Variants in AGAP1 observed in about 807,000 individuals in gnomAD.
AGAP1 encodes arf-GAP with GTPase, ANK repeat and PH domain-containing protein 1.
Under a neutral mutation model 105.3 loss-of-function variants are expected in AGAP1, and 29 were observed. The observed-to-expected ratio is 0.28, with a 90% CI of 0.21 to 0.38. The LOEUF (loss-of-function observed/expected upper bound fraction) is 0.38, where lower values mean the gene tolerates loss of function less well. AGAP1 is among the 10% of genes least tolerant of loss of function. The pLI, the probability that AGAP1 is intolerant of heterozygous loss-of-function variation, is 1.00. For missense variants in AGAP1, 998 were observed against 1,165.1 expected (o/e 0.86, Z 2.09); for synonymous variants, 509 against 485.9 (o/e 1.05, Z -0.63).
chr2:235,629,732 G>T (rs1321292467), intron 1 of AGAP1, among the ~76,000 whole-genome samples: 1 of 149,304 alleles, frequency 6.7e-6, no homozygotes, highest in East Asian at 2.0e-4. Context: ...AAAAAAAATA[G>T]CTGGACGTGG....
intron 16 of AGAP1, among the ~76,000 whole-genome samples, chr2:236,077,902 C>T (rs1238858620): frequency 6.6e-6 from 1 of 152,192 alleles, no homozygotes; most frequent in Non-Finnish European, 1.5e-5. Context: ...CCTCTGTGTA[C>T]ATCTGTTCTT....
At chr2:235,804,876 G>A (rs1340838826) in intron 8 of AGAP1, among the ~76,000 whole-genome samples, 1 of 152,216 alleles carries the variant, frequency 6.6e-6, no homozygotes, top group African/African-American at 2.4e-5. Flanking sequence ...GACGCCGTGG[G>A]TGCTGAGGGC....
chr2:235,590,750 T>TC lies in AGAP1; in HGVS notation c.163+95901_163+95902insC, dbSNP rs1945309495. The stretch of plus-strand genomic sequence containing the variant: ...TTTTTTTTTTTTTTGAGGCGGAGTC[T>TC]TGCTCTGTCGCCCAGGCTGGAGTGC... On this transcript the variant is annotated intron_variant, in intron 1 of 17. Coordinates refer to ENST00000304032, the MANE Select transcript of AGAP1 (RefSeq NM_001037131.3). Among the ~76,000 whole-genome samples the TC allele has an allele frequency of 2.4e-5, 3 of 126,096 alleles. No homozygotes were observed. The East Asian group carries it at 7.1e-4, about 30-fold the overall frequency. 82.7% of individuals were successfully genotyped at this position (126,096 alleles called of 152,430 possible).
chr2:236,098,300 A>C (rs2059245800), intron 16 of AGAP1, among the ~76,000 whole-genome samples: 1 of 152,130 alleles, frequency 6.6e-6, no homozygotes, highest in Admixed American at 6.5e-5. Context: ...TTGTTGGGCC[A>C]GGTGCAGGGG....
intron 1 of AGAP1, among the ~76,000 whole-genome samples, chr2:235,521,277 G>A (rs888022055): frequency 6.6e-6 from 1 of 152,126 alleles, no homozygotes; most frequent in African/African-American, 2.4e-5. Flanking sequence ...CCTGGTGGAG[G>A]TGTACTTAGA....
chr2:235,594,431 TA>T (rs1945451548), intron 1 of AGAP1, among the ~76,000 whole-genome samples: 1 of 152,162 alleles, frequency 6.6e-6, no homozygotes, highest in African/African-American at 2.4e-5. Flanking sequence ...CTGTTCTTTG[TA>T]AATGAGTTTC....
In AGAP1 at chr2:235,951,221, T is replaced by G. The variant is rs1427425069; in HGVS notation, c.1484-17241T>G. 6.6e-6 allele frequency among the ~76,000 whole-genome samples: 1 copy of G among 152,222 alleles called. No homozygotes were observed. Among genetic ancestry groups the G allele is most frequent in the Non-Finnish European group, 1.5e-5 (1 of 68,040 alleles). ...GTGCTTTAGAAGACACTTCCGACTTTGATCTGCAGTTGCGGATGAAGATGC... is the reference window on the plus strand; with the variant it reads ...GTGCTTTAGAAGACACTTCCGACTTGGATCTGCAGTTGCGGATGAAGATGC... On this transcript the variant is annotated intron_variant, in intron 12 of 17. Coordinates refer to ENST00000304032, the MANE Select transcript of AGAP1 (RefSeq NM_001037131.3). The surrounding 1 kb of genome is among the most constrained non-coding windows in gnomAD (Gnocchi z 4.2).
At chr2:235,506,259 G>A (rs958516330) in intron 1 of AGAP1, among the ~76,000 whole-genome samples, 1 of 151,978 alleles carries the variant, frequency 6.6e-6, no homozygotes, top group African/African-American at 2.4e-5. Flanking sequence ...TATTTAGCTC[G>A]GGTTTCAATA....
intron 10 of AGAP1, among the ~76,000 whole-genome samples, chr2:235,895,202 C>CT (rs768631005): frequency 2.6e-5 from 4 of 152,200 alleles, no homozygotes; most frequent in Non-Finnish European, 1.5e-5. Flanking sequence ...TCCTAAGCTG[C>CT]TTTTAACTTT....
chr2:235,659,660 T>A lies in AGAP1; in HGVS notation c.164-49519T>A, dbSNP rs1371203188. ...TGCCGAGGGCTGTCAGATCCCTGCA[T>A]CAACTCTGGGGATGGGTTCAATTAT... On this transcript the variant is annotated intron_variant, in intron 1 of 17. Coordinates refer to ENST00000304032, the MANE Select transcript of AGAP1 (RefSeq NM_001037131.3). The surrounding 1 kb of genome is among the most constrained non-coding windows in gnomAD (Gnocchi z 5.0). Among the ~76,000 whole-genome samples, 1 of 152,228 alleles carries A rather than the reference T, an allele frequency of 6.6e-6. No homozygotes were observed. Among genetic ancestry groups the A allele is most frequent in the African/African-American group, 2.4e-5 (1 of 41,460 alleles).
Position 235,620,184 on chromosome 2 carries a change from A to G in AGAP1, c.164-88995A>G, listed in dbSNP as rs1271682264. 2.0e-5 allele frequency among the ~76,000 whole-genome samples: 3 copies of G among 152,048 alleles called. No homozygotes were observed. Among genetic ancestry groups the G allele is most frequent in the Admixed American group, 1.3e-4 (2 of 15,280 alleles). ...AGAACTACTTTCCAGAAATCAGCAA[A>G]TGCTGGGCTGTGCCTTCAAAGTATA... On this transcript the variant is annotated intron_variant, in intron 1 of 17. Coordinates refer to ENST00000304032, the MANE Select transcript of AGAP1 (RefSeq NM_001037131.3). This position sits in a 1 kb window ranked among gnomAD's most constrained non-coding sequence, Gnocchi z 4.5.
rs1304279791 is a variant in AGAP1, at chr2:235,882,829, CTCTT to C, written c.1051-509_1051-506del. Among the ~76,000 whole-genome samples the C allele has an allele frequency of 1.3e-5, 2 of 151,766 alleles. No homozygotes were observed. Among genetic ancestry groups the C allele is most frequent in the Non-Finnish European group, 2.9e-5 (2 of 67,932 alleles). ...TTCTTTTTCTCTTTGTCTCTCCTCT[CTCTT>C]TCTTTCACTCGCTTTGTCACCCAGG... is the stretch of plus-strand genomic sequence containing the variant. On this transcript the variant is annotated intron_variant, in intron 9 of 17. Coordinates refer to ENST00000304032, the MANE Select transcript of AGAP1 (RefSeq NM_001037131.3). This position sits in a 1 kb window ranked among gnomAD's most constrained non-coding sequence, Gnocchi z 4.6.
chr2:235,616,014 A>G (rs1338585602), intron 1 of AGAP1, among the ~76,000 whole-genome samples: 4 of 152,226 alleles, frequency 2.6e-5, no homozygotes, highest in African/African-American at 7.2e-5. Context: ...CAAAGGAGCA[A>G]TTAAGATATA....
intron 11 of AGAP1, among the ~76,000 whole-genome samples, chr2:235,923,989 C>G (rs2052320470): frequency 6.6e-6 from 1 of 152,114 alleles, no homozygotes; most frequent in Non-Finnish European, 1.5e-5. Context: ...TTAGGAAACC[C>G]CCGTGTTTAA....
At position 235,919,024 on chromosome 2, in the gene AGAP1, T is replaced by C. The variant is rs2052037264; in HGVS notation, c.1324+10118T>C. On this transcript the variant is annotated intron_variant, in intron 11 of 17. Coordinates refer to ENST00000304032, the MANE Select transcript of AGAP1 (RefSeq NM_001037131.3). The surrounding 1 kb of genome is among the most constrained non-coding windows in gnomAD (Gnocchi z 4.1). The stretch of plus-strand genomic sequence containing the variant: ...ATAAAAGGTGCTTCAAACACTTTTT[T>C]TCTCTCAAAAATGTGTGTGGGCAGG... 6.6e-6 allele frequency among the ~76,000 whole-genome samples: 1 copy of C among 152,222 alleles called. No individual in the cohort carries two copies. The highest frequency in any genetic ancestry group is 1.5e-5 in the Non-Finnish European group (1 of 68,026).
At position 235,553,874 on chromosome 2, in the gene AGAP1, A is replaced by G. The variant is rs1450270829; in HGVS notation, c.163+59025A>G. ...TGATAAGTGAAAGGAACTTCCACGT[A>G]AGGATCCCGAAGCACGGTTGCCTCC... On this transcript the variant is annotated intron_variant, in intron 1 of 17. Transcript: ENST00000304032. The surrounding 1 kb of genome is among the most constrained non-coding windows in gnomAD (Gnocchi z 4.5). Among the ~76,000 whole-genome samples, 1 of 152,240 alleles carries G rather than the reference A, an allele frequency of 6.6e-6. No individual in the cohort carries two copies. The highest frequency in any genetic ancestry group is 1.9e-4 in the East Asian group (1 of 5,198).
rs2050326049 is a variant in AGAP1, at chr2:235,887,494, CCT to C, written c.1155+4046_1155+4047del. Among the ~76,000 whole-genome samples, 1 of 152,170 alleles carries C rather than the reference CCT, an allele frequency of 6.6e-6. No individual in the cohort carries two copies. Among genetic ancestry groups the C allele is most frequent in the Non-Finnish European group, 1.5e-5 (1 of 68,028 alleles). ...ACCTGTCAGTGGACCAGAATAACTC[CCT>C]GTTTTACACTAGAGGAAAATGTTAT... On this transcript the variant is annotated intron_variant, in intron 10 of 17. Transcript: ENST00000304032. This position sits in a 1 kb window ranked among gnomAD's most constrained non-coding sequence, Gnocchi z 4.1.
At chr2:236,033,918 ATCAGAGGGAGCT>A (rs2057301458) in intron 13 of AGAP1, among the ~76,000 whole-genome samples, 1 of 152,222 alleles carries the variant, frequency 6.6e-6, no homozygotes, top group East Asian at 1.9e-4. Flanking sequence ...ATAAATGCTG[ATCAGAGGGAGCT>A]TTGATACATG....
intron 9 of AGAP1, among the ~76,000 whole-genome samples, chr2:235,827,871 A>C (rs984953974): frequency 2.6e-5 from 4 of 152,188 alleles, no homozygotes; most frequent in Admixed American, 2.0e-4. Flanking sequence ...GGATGTTGCT[A>C]GCATGCCTGT....
Sources: allele counts gnomAD v4.1 joint callset (sites outside exome capture counted in the v4.1 genomes callset), GRCh38; gene constraint gnomAD v4.1.1; non-coding constraint Gnocchi (gnomAD v3.1); transcripts MANE v1.5; gene names NCBI Gene and HGNC (gene_info 2026-07-23, HGNC 2026-07-21).